Variants in NCBP1 observed in about 807,000 individuals in gnomAD.
The protein encoded by NCBP1 is nuclear cap binding protein subunit 1, also known as nuclear cap-binding protein subunit 1.
In NCBP1, 16 loss-of-function variants were observed where a neutral mutation model predicts 111.7. The observed-to-expected ratio is 0.14, with a 90% CI of 0.10 to 0.22. NCBP1 has a LOEUF of 0.22. NCBP1 is among the 10% of genes least tolerant of loss of function. NCBP1 has a pLI of 1.00. For synonymous variants in NCBP1, 304 were observed against 314.3 expected (o/e 0.97, Z 0.35); for missense variants, 607 against 957.5 (o/e 0.63, Z 4.83).
rs1056593602 is a variant in NCBP1 at position 97,647,616 on chromosome 9, C to G, written c.681+55C>G. ...AACACAGTCAGCTCTTGAATAGATT[C>G]TTATCTCTGTAAGATACTCAGACCA... is the stretch of plus-strand genomic sequence containing the variant. On this transcript the variant is annotated intron_variant, in intron 7 of 22. Coordinates refer to ENST00000375147, the MANE Select transcript of NCBP1 (RefSeq NM_002486.5). 4.3e-6 allele frequency: 6 copies of G among 1,399,066 alleles called. No individual in the cohort carries two copies. In the Admixed American group the frequency reaches 8.6e-5, roughly 20 times the overall value. The allele number at this position is 1,399,066 out of a possible 1,614,324, so 86.7% of individuals were successfully genotyped here.
Position 97,648,223 on chromosome 9 carries a change from G to C in NCBP1, c.897G>C (p.Glu299Asp). 1 of 1,613,818 alleles carries C rather than the reference G, an allele frequency of 6.2e-7. No individual in the cohort carries two copies. Among genetic ancestry groups the C allele is most frequent in the Non-Finnish European group, 8.5e-7 (1 of 1,179,808 alleles). ...FRMFDYTDDP[E>D]GPVMPGSHSV... ...TGTTTGATTACACAGATGATCCCGA[G>C]GTAAGTGACCGACTAAAAGTCCTAG... Residue 299 changes from glutamate (E) to aspartate (D), a missense_variant and splice_region_variant, in exon 8 of 23, where the codon GAG (glutamate) becomes GAC (aspartate). Glu to Asp is a conservative substitution (Grantham distance 45). Coordinates refer to ENST00000375147, the MANE Select transcript of NCBP1 (RefSeq NM_002486.5).
At chr9:97,661,828 G>A (rs1827847258) in intron 16 of NCBP1, among the ~76,000 whole-genome samples, 1 of 138,394 alleles carries the variant, frequency 7.2e-6, no homozygotes. Context: ...ATAGAATTAA[G>A]ACAGTCACAT....
chr9:97,666,979 C>A, intron 20 of NCBP1, 102 bp downstream of exon 20: 1 of 905,520 alleles, frequency 1.1e-6, no homozygotes, highest in Non-Finnish European at 1.6e-6. Flanking sequence ...TTTTTCTGAG[C>A]CCAAATTAAT....
At chr9:97,643,159 G>A (rs370349628) in intron 3 of NCBP1, 45 bp from the exon 4 acceptor site, 37 of 1,524,740 alleles carry the variant, frequency 2.4e-5, no homozygotes, top group African/African-American at 2.2e-4. Flanking sequence ...GCAACTTAAC[G>A]CCATTGTTTT....
At chr9:97,634,608 T>TG (rs1249249612) in intron 1 of NCBP1, 38 of 152,294 alleles carry the variant, frequency 2.5e-4, no homozygotes, top group African/African-American at 9.1e-4. Context: ...AGATCAGTGT[T>TG]GCCTTCATAA....
chr9:97,636,066 A>G, intron 1 of NCBP1: 1 of 152,214 alleles, frequency 6.6e-6, no homozygotes, highest in East Asian at 1.9e-4. Context: ...GACAAGTAAA[A>G]CAAAGCATTC....
intron 8 of NCBP1, among the ~76,000 whole-genome samples, chr9:97,649,864 A>G (rs1000585063): frequency 1.3e-5 from 2 of 152,074 alleles, no homozygotes; most frequent in Non-Finnish European, 2.9e-5. Context: ...GTATAAATAT[A>G]TAAAATACAT....
intron 15 of NCBP1, among the ~76,000 whole-genome samples, chr9:97,659,107 TTG>T (rs1482886914): frequency 5.9e-5 from 9 of 152,264 alleles, no homozygotes; most frequent in African/African-American, 1.9e-4. Context: ...ATGCACATAT[TTG>T]TGGCAGTATG....
intron 14 of NCBP1, among the ~76,000 whole-genome samples, chr9:97,656,961 T>TTTTTG (rs112887184): frequency 1.2e-3 from 184 of 152,214 alleles, no homozygotes; most frequent in African/African-American, 4.1e-3. Context: ...TGGAGTGTTT[T>TTTTTG]TTTTGTTTTG....
chr9:97,654,907 A>C lies in NCBP1; in HGVS notation c.1198A>C (p.Met400Leu), dbSNP rs201715578. ...VLAQATEMLY[M>L]RLDTMNTTCV... is the part of the protein sequence containing the mutation. ...TGCACAGGCAACTGAAATGCTATACATGCGTTTGGACACAATGAACACTAC... is the reference window on the plus strand; with the variant it reads ...TGCACAGGCAACTGAAATGCTATACCTGCGTTTGGACACAATGAACACTAC... Residue 400 changes from methionine to leucine, a missense_variant, in exon 12 of 23, where the codon ATG becomes CTG. By Grantham distance (15) the Met-to-Leu change is conservative (BLOSUM62 2). This residue lies in a region of NCBP1 where 4 missense variants were observed against 20.8 expected (regional missense o/e 0.19). Coordinates refer to ENST00000375147, the MANE Select transcript of NCBP1 (RefSeq NM_002486.5). 1 of 1,612,994 alleles carries C rather than the reference A, an allele frequency of 6.2e-7. No individual in the cohort carries two copies. The highest frequency in any genetic ancestry group is 1.3e-5 in the African/African-American group (1 of 74,932).
Position 97,671,897 on chromosome 9 carries a change from A to AG in NCBP1, c.*699dup, listed in dbSNP as rs1241886819. On this transcript the variant is annotated 3_prime_UTR_variant, in exon 23 of 23. Coordinates refer to ENST00000375147, the MANE Select transcript of NCBP1 (RefSeq NM_002486.5). The stretch of plus-strand genomic sequence containing the variant: ...CGCAGACATCCTCAGTAATCCTTAA[A>AG]GTTTCCCCAGGTGATTCCAGGTTTG... 1 of 152,202 alleles carries AG rather than the reference A, an allele frequency of 6.6e-6. No individual in the cohort carries two copies. The highest frequency in any genetic ancestry group is 1.5e-5 in the Non-Finnish European group (1 of 68,046). The allele number at this position is 152,202 out of a possible 1,614,324, so 9.4% of individuals were successfully genotyped here. A position where few individuals can be genotyped will look rare whatever the true frequency, so the allele number is the denominator to read the frequency against.
intron 8 of NCBP1, among the ~76,000 whole-genome samples, chr9:97,648,752 T>A (rs1397586633): frequency 6.6e-6 from 1 of 152,214 alleles, no homozygotes; most frequent in Non-Finnish European, 1.5e-5. Context: ...GGTCTTACTT[T>A]GTTGCCCAGG....
intron 22 of NCBP1, among the ~76,000 whole-genome samples, chr9:97,670,282 T>C (rs552491846): frequency 5.3e-5 from 8 of 152,266 alleles, no homozygotes; most frequent in African/African-American, 1.9e-4. Context: ...GACAAAAATA[T>C]CAAGAGGACA....
intron 7 of NCBP1, 140 bp downstream of exon 7, chr9:97,647,701 A>C: frequency 1.4e-6 from 1 of 726,194 alleles, no homozygotes; most frequent in East Asian, 2.7e-5. Flanking sequence ...TCATAGCTCA[A>C]GGTGTATGGT....
chr9:97,661,976 T>C (rs776422214), intron 16 of NCBP1, 66 bp from the exon 17 acceptor site: 5 of 1,108,244 alleles, frequency 4.5e-6, no homozygotes, highest in Non-Finnish European at 6.8e-6. Context: ...TATTTAGCAT[T>C]TGAGGTAAGG....
chr9:97,650,865 A>G (rs994334732), intron 9 of NCBP1, among the ~76,000 whole-genome samples: 2 of 152,148 alleles, frequency 1.3e-5, no homozygotes, highest in Admixed American at 6.5e-5. Flanking sequence ...GAGAGCTTGA[A>G]TGGCAAGTTA....
At chr9:97,669,078 T>A (rs111936397) in intron 21 of NCBP1, 104 bp downstream of exon 21, 19 of 1,288,630 alleles carry the variant, frequency 1.5e-5, no homozygotes, top group African/African-American at 9.2e-5. Flanking sequence ...ACACATTCAT[T>A]TATAGAAGAG....
At chr9:97,661,283 C>T (rs899840783) in intron 16 of NCBP1, among the ~76,000 whole-genome samples, 2 of 152,100 alleles carry the variant, frequency 1.3e-5, no homozygotes, top group African/African-American at 2.4e-5. Context: ...TAAACTTCAT[C>T]GTAAATACAA....
In NCBP1 at chr9:97,671,329, A is replaced by G; in HGVS notation, c.*130A>G. On this transcript the variant is annotated 3_prime_UTR_variant, in exon 23 of 23. Transcript: ENST00000375147. The stretch of plus-strand genomic sequence containing the variant: ...CTTAAAGGAAACAAAGGGGAAGAGG[A>G]CAGTGAATGAACATGGCATTACTTT... 9.1e-6 allele frequency: 6 copies of G among 658,012 alleles called. No individual in the cohort carries two copies. The highest frequency in any genetic ancestry group is 1.5e-5 in the Non-Finnish European group (6 of 390,520). 40.8% of individuals were successfully genotyped at this position (658,012 alleles called of 1,614,324 possible).
Sources: allele counts gnomAD v4.1 joint callset (sites outside exome capture counted in the v4.1 genomes callset), GRCh38; gene constraint gnomAD v4.1.1; regional missense constraint gnomAD v4.1.1; transcripts MANE v1.5; gene names NCBI Gene and HGNC (gene_info 2026-07-23, HGNC 2026-07-21).